Variants in LYPD6B observed in about 807,000 individuals in gnomAD.
LYPD6B encodes the protein LY6/PLAUR domain containing 6B, also known as ly6/PLAUR domain-containing protein 6B.
In LYPD6B, 17 loss-of-function variants were observed where a neutral mutation model predicts 22.8. The ratio of observed to expected loss-of-function variants is 0.75; its 90% confidence interval spans 0.51 to 1.12. LYPD6B has a LOEUF of 1.12. Among genes scored for constraint, LYPD6B ranks in the 50% most tolerant of loss-of-function variants. The pLI, the probability that LYPD6B is intolerant of heterozygous loss-of-function variation, is 0.00. For synonymous variants in LYPD6B, 106 were observed against 91.6 expected, an observed-to-expected ratio of 1.16 and a Z score of -0.90; for missense variants, 221 against 258.3, an observed-to-expected ratio of 0.86 and a Z score of 0.99.
At chr2:149,130,667 C>T (rs545400250) in intron 1 of LYPD6B, among the ~76,000 whole-genome samples, 4 of 152,164 alleles carry the variant, frequency 2.6e-5, no homozygotes, top group African/African-American at 9.7e-5. Context: ...TCCATTCCAT[C>T]TATGTCCTGC....
chr2:149,065,939 T>A (rs1488806481), intron 1 of LYPD6B, among the ~76,000 whole-genome samples: 1 of 152,094 alleles, frequency 6.6e-6, no homozygotes, highest in African/African-American at 2.4e-5. Context: ...TTGTAACTCC[T>A]GAACTCAAGA....
At chr2:149,086,441 G>A (rs551674029) in intron 1 of LYPD6B, among the ~76,000 whole-genome samples, 14 of 152,276 alleles carry the variant, frequency 9.2e-5, no homozygotes, top group African/African-American at 2.6e-4. Flanking sequence ...TTGAGCAGCC[G>A]TGGTCCCATG....
At chr2:149,082,173 T>C (rs1685166534) in intron 1 of LYPD6B, among the ~76,000 whole-genome samples, 1 of 152,220 alleles carries the variant, frequency 6.6e-6, no homozygotes, top group Non-Finnish European at 1.5e-5. Context: ...CCCCTTAATA[T>C]CTGTCTGCTG....
At chr2:149,127,041 T>C (rs1459573677) in intron 1 of LYPD6B, among the ~76,000 whole-genome samples, 1 of 151,958 alleles carries the variant, frequency 6.6e-6, no homozygotes, top group Non-Finnish European at 1.5e-5. Context: ...TTTTATACTG[T>C]TGTTGTTTTG....
chr2:149,122,038 A>G (rs535366575), intron 1 of LYPD6B, among the ~76,000 whole-genome samples: 2 of 152,334 alleles, frequency 1.3e-5, no homozygotes, highest in Admixed American at 6.5e-5. Flanking sequence ...TATCACCATA[A>G]TTGTGGAAGT....
chr2:149,194,282 G>A (rs1293685726), intron 3 of LYPD6B, among the ~76,000 whole-genome samples: 1 of 152,080 alleles, frequency 6.6e-6, no homozygotes, highest in Non-Finnish European at 1.5e-5. Flanking sequence ...TTTATTCGTT[G>A]CAACATTGCC....
chr2:149,140,175 G>A (rs767747273), intron 2 of LYPD6B, among the ~76,000 whole-genome samples: 1 of 152,174 alleles, frequency 6.6e-6, no homozygotes, highest in Non-Finnish European at 1.5e-5. Context: ...TATTTCCTGG[G>A]TGACAGGCTG....
intron 3 of LYPD6B, among the ~76,000 whole-genome samples, chr2:149,175,061 C>CTCTCTGTG (rs1454802925): frequency 0.012 from 1,309 of 112,930 alleles, 17 homozygotes; most frequent in Middle Eastern, 0.029. Flanking sequence ...CTCTCTCTCT[C>CTCTCTGTG]TGTGTGTGTG....
chr2:149,147,510 G>T lies in LYPD6B; in HGVS notation c.6-13254G>T, dbSNP rs576370408. On this transcript the variant is annotated intron_variant, in intron 2 of 6. Coordinates refer to ENST00000409642, the MANE Select transcript of LYPD6B (RefSeq NM_177964.5). ...GGGTTTGTTTGTTTTTTTGTTTTTT[G>T]TTTGTTTGTTTGTTTGTTTTTGAGA... 3.1e-3 allele frequency among the ~76,000 whole-genome samples: 471 copies of T among 151,726 alleles called. 2 individuals are homozygous for T. Among genetic ancestry groups the T allele is most frequent in the Non-Finnish European group, 5.0e-3 (339 of 67,882 alleles).
intron 2 of LYPD6B, among the ~76,000 whole-genome samples, chr2:149,138,339 C>G (rs1032095279): frequency 1.3e-5 from 2 of 152,092 alleles, no homozygotes; most frequent in African/African-American, 4.8e-5. Context: ...TTGTTCCAGG[C>G]CCAACCAGTT....
chr2:149,120,931 AC>A (rs1263858140), intron 1 of LYPD6B, among the ~76,000 whole-genome samples: 3 of 151,650 alleles, frequency 2.0e-5, no homozygotes, highest in Non-Finnish European at 2.9e-5. Flanking sequence ...AACTGGGACT[AC>A]AGGTGTGCAC....
intron 5 of LYPD6B, among the ~76,000 whole-genome samples, chr2:149,210,218 G>A (rs1693760776): frequency 1.3e-5 from 2 of 152,170 alleles, no homozygotes; most frequent in African/African-American, 4.8e-5. Flanking sequence ...CAAAGAAGAT[G>A]CATGGCTGTT....
At chr2:149,041,098 C>CAAA (rs552623435) in intron 1 of LYPD6B, among the ~76,000 whole-genome samples, 7 of 110,756 alleles carry the variant, frequency 6.3e-5, no homozygotes, top group African/African-American at 2.7e-4. Flanking sequence ...GACTCCGTCT[C>CAAA]AAAAAAAAAA....
intron 1 of LYPD6B, among the ~76,000 whole-genome samples, chr2:149,062,732 G>A (rs189520240): frequency 2.6e-5 from 4 of 152,014 alleles, no homozygotes; most frequent in Non-Finnish European, 5.9e-5. Context: ...ATGACAAATC[G>A]TTGCTATGCA....
intron 1 of LYPD6B, among the ~76,000 whole-genome samples, chr2:149,047,975 T>C (rs1574869470): frequency 6.6e-6 from 1 of 152,182 alleles, no homozygotes; most frequent in East Asian, 1.9e-4. Flanking sequence ...ATATTTCCAT[T>C]TGATTCTTTC....
intron 1 of LYPD6B, among the ~76,000 whole-genome samples, chr2:149,059,640 C>T (rs1247832670): frequency 6.6e-6 from 1 of 152,178 alleles, no homozygotes; most frequent in Non-Finnish European, 1.5e-5. Flanking sequence ...TTAATGTAGC[C>T]AGTTTTTACT....
chr2:149,166,026 G>C (rs1690399083), intron 3 of LYPD6B, among the ~76,000 whole-genome samples: 1 of 152,182 alleles, frequency 6.6e-6, no homozygotes, highest in Non-Finnish European at 1.5e-5. Flanking sequence ...TATTTCCTGG[G>C]GGTAGGGGTG....
intron 4 of LYPD6B, among the ~76,000 whole-genome samples, chr2:149,206,822 T>C (rs949802596): frequency 1.3e-5 from 2 of 152,106 alleles, no homozygotes; most frequent in Admixed American, 6.5e-5. Context: ...TATACATATT[T>C]TGAATATTTT....
intron 2 of LYPD6B, among the ~76,000 whole-genome samples, chr2:149,149,870 C>T (rs1689260312): frequency 2.6e-5 from 4 of 152,336 alleles, no homozygotes; most frequent in African/African-American, 7.2e-5. Flanking sequence ...TAGTCCTGCT[C>T]TGTAGAGACC....
Sources: allele counts gnomAD v4.1 joint callset (sites outside exome capture counted in the v4.1 genomes callset), GRCh38; gene constraint gnomAD v4.1.1; transcripts MANE v1.5; gene names NCBI Gene and HGNC (gene_info 2026-07-23, HGNC 2026-07-21).